DCP2: variants seen among roughly 807,000 people sequenced by gnomAD.
The protein encoded by DCP2 is m7GpppN-mRNA hydrolase.
DCP2 carries 30 observed loss-of-function variants against 56.1 expected under a neutral mutation model. The observed-to-expected ratio is 0.53, with a 90% CI of 0.40 to 0.73. The LOEUF (loss-of-function observed/expected upper bound fraction) is 0.73. Among genes scored for constraint, DCP2 ranks in the 30% least tolerant of loss-of-function variants. DCP2 has a pLI of 0.00. For synonymous variants in DCP2, 197 were observed against 163.3 expected (o/e 1.21, Z -1.57); for missense variants, 533 against 502.7 (o/e 1.06, Z -0.58).
chr5:112,996,161 G>C (rs10075793), intron 4 of DCP2, among the ~76,000 whole-genome samples: 2,902 of 152,194 alleles, frequency 0.019, 93 homozygotes, highest in African/African-American at 0.066. Context: ...GGCCTTTTTT[G>C]AATGATGAAA....
At chr5:113,013,293 T>G (rs1239121493) in intron 10 of DCP2, 28 bp from the exon 11 acceptor site, 1 of 1,593,518 alleles carries the variant, frequency 6.3e-7, no homozygotes, top group Admixed American at 1.7e-5. Flanking sequence ...GTTACTGAGC[T>G]TATTTATTTT....
rs1374786335 is a variant in DCP2, at chr5:112,983,670, G to A, written c.54-2165G>A. 3.9e-5 allele frequency among the ~76,000 whole-genome samples: 6 copies of A among 152,042 alleles called. No homozygotes were observed. In the East Asian group the frequency reaches 1.2e-3, roughly 29 times the overall value. On this transcript the variant is annotated intron_variant, in intron 1 of 10. Coordinates refer to ENST00000389063, the MANE Select transcript of DCP2 (RefSeq NM_152624.6). ...AAATTTCACAACACTGGGGATGGAA[G>A]GAAGATATTAGAAGCATCCAGACTG...
chr5:112,998,017 T>TA (rs1425607713), intron 4 of DCP2, among the ~76,000 whole-genome samples: 1 of 152,248 alleles, frequency 6.6e-6, no homozygotes, highest in Non-Finnish European at 1.5e-5. Context: ...TATATTATAA[T>TA]ACAGCAATAG....
At chr5:113,008,954 C>G (rs886498395) in intron 9 of DCP2, among the ~76,000 whole-genome samples, 2 of 152,124 alleles carry the variant, frequency 1.3e-5, no homozygotes, top group Admixed American at 6.5e-5. Context: ...AGTGATTCCC[C>G]TGTCTCAGCC....
chr5:113,013,614 C>A lies in DCP2; in HGVS notation c.*130C>A. The A allele has an allele frequency of 8.8e-7, 1 of 1,133,462 alleles. No homozygotes were observed. Among genetic ancestry groups the A allele is most frequent in the Non-Finnish European group, 1.3e-6 (1 of 798,080 alleles). 70.2% of individuals were successfully genotyped at this position (1,133,462 alleles called of 1,614,324 possible). A position where few individuals can be genotyped will look rare whatever the true frequency, so the allele number is the denominator to read the frequency against. ...GAGGCAATGTTTCTGAAGACATTTTCTGTTTATAAGAGAGTAGAAAGAAAC... is the reference window on the plus strand; with the variant it reads ...GAGGCAATGTTTCTGAAGACATTTTATGTTTATAAGAGAGTAGAAAGAAAC... On this transcript the variant is annotated 3_prime_UTR_variant, in exon 11 of 11. Transcript: ENST00000389063.
rs943720595 is a variant in DCP2, at chr5:113,014,904, G to A, written c.*1420G>A. On this transcript the variant is annotated 3_prime_UTR_variant, in exon 11 of 11. Coordinates refer to ENST00000389063, the MANE Select transcript of DCP2 (RefSeq NM_152624.6). ...TTAATTGGGTTCCACTGAACCTCATGGGACTTTTAAAAGAAGGGCTATTTA... is the reference window on the plus strand; with the variant it reads ...TTAATTGGGTTCCACTGAACCTCATAGGACTTTTAAAAGAAGGGCTATTTA... The A allele has an allele frequency of 6.6e-6, 1 of 152,606 alleles. No individual in the cohort carries two copies. The highest frequency in any genetic ancestry group is 2.4e-5 in the African/African-American group (1 of 41,436). The allele number at this position is 152,606 out of a possible 1,614,324, so 9.5% of individuals were successfully genotyped here.
rs1417802437 is a variant in DCP2 at position 112,981,620 on chromosome 5, T to C, written c.54-4215T>C. 2.6e-5 allele frequency among the ~76,000 whole-genome samples: 4 copies of C among 152,236 alleles called. No individual in the cohort carries two copies. In the East Asian group the frequency reaches 7.7e-4, roughly 29 times the overall value. ...TAGTTTCTTTTCCATCGGGGCATAG[T>C]CAGGAGCCCTTTGTAAGTGTCTTGC... On this transcript the variant is annotated intron_variant, in intron 1 of 10. Transcript: ENST00000389063.
intron 10 of DCP2, among the ~76,000 whole-genome samples, chr5:113,011,979 G>C (rs557177349): frequency 6.6e-6 from 1 of 152,316 alleles, no homozygotes; most frequent in African/African-American, 2.4e-5. Flanking sequence ...CTCCTCATTA[G>C]AGTTAGTATA....
intron 4 of DCP2, 145 bp from the exon 5 acceptor site, chr5:113,000,939 C>A: frequency 1.2e-6 from 1 of 821,788 alleles, no homozygotes; most frequent in Non-Finnish European, 1.9e-6. Flanking sequence ...ATCTCATATG[C>A]ATTTCTGTAC....
chr5:112,998,721 C>T (rs1192699191), intron 4 of DCP2, among the ~76,000 whole-genome samples: 1 of 152,192 alleles, frequency 6.6e-6, no homozygotes, highest in African/African-American at 2.4e-5. Flanking sequence ...ACCATAGTTG[C>T]TATATTACTT....
At chr5:112,986,113 G>A (rs1748272024) in intron 2 of DCP2, 127 bp downstream of exon 2, 1 of 910,970 alleles carries the variant, frequency 1.1e-6, no homozygotes, top group Non-Finnish European at 1.6e-6. Context: ...GCTAAAATTT[G>A]TCAAACATAA....
chr5:112,984,717 T>TATATATATATATATATATATATAG, intron 1 of DCP2: 1 of 132,636 alleles, frequency 7.5e-6, no homozygotes, highest in Non-Finnish European at 1.6e-5. Context: ...TATATATATA[T>TATATATATATATATATATATATAG]ATATATATTT....
chr5:112,977,129 C>T (rs1747747092), intron 1 of DCP2, 143 bp downstream of exon 1: 2 of 580,938 alleles, frequency 3.4e-6, no homozygotes, highest in Non-Finnish European at 5.8e-6. Flanking sequence ...ATCGTCGACC[C>T]TGCTCTCCGA....
chr5:113,001,277 C>T (rs755455187), intron 5 of DCP2, 41 bp downstream of exon 5: 1 of 1,600,530 alleles, frequency 6.2e-7, no homozygotes, highest in Non-Finnish European at 8.5e-7. Context: ...GACAGTATCC[C>T]AAATGAATAA....
chr5:113,008,159 G>A, intron 9 of DCP2, 117 bp downstream of exon 9: 2 of 846,000 alleles, frequency 2.4e-6, no homozygotes, highest in Non-Finnish European at 1.8e-6. Context: ...TGATATACTA[G>A]TAGGATTTTT....
chr5:112,985,569 G>A (rs1748239249), intron 1 of DCP2, among the ~76,000 whole-genome samples: 1 of 152,188 alleles, frequency 6.6e-6, no homozygotes, highest in East Asian at 1.9e-4. Flanking sequence ...TGTTGTTAGT[G>A]AGCTCTTAAG....
chr5:112,990,205 C>T (rs991883129), intron 2 of DCP2, among the ~76,000 whole-genome samples: 23 of 152,262 alleles, frequency 1.5e-4, no homozygotes, highest in Non-Finnish European at 3.4e-4. Context: ...AGACTGCATA[C>T]TTTGATAAGA....
chr5:113,007,376 A>ATTTC lies in DCP2; in HGVS notation c.943-538_943-535dup, dbSNP rs35517896. ...GGGATAAGGCAAGAGGTGTGGAAAG[A>ATTTC]TTTCTTTCTTTCTTTCTTTCTTTCT... On this transcript the variant is annotated intron_variant, in intron 8 of 10. Transcript: ENST00000389063. Among the ~76,000 whole-genome samples the ATTTC allele has an allele frequency of 4.3e-4, 60 of 138,566 alleles. 1 individual carries two copies. The highest frequency in any genetic ancestry group is 1.1e-3 in the South Asian group (5 of 4,406). 90.9% of individuals were successfully genotyped at this position (138,566 alleles called of 152,430 possible). A position where few individuals can be genotyped will look rare whatever the true frequency, so the allele number is the denominator to read the frequency against.
chr5:113,011,345 C>G (rs542631864), intron 10 of DCP2, among the ~76,000 whole-genome samples: 136 of 152,316 alleles, frequency 8.9e-4, no homozygotes, highest in Non-Finnish European at 1.8e-3. Flanking sequence ...TGCAATTTCT[C>G]CTTCCTCGGT....
Sources: gnomAD v4.1 joint callset for allele counts (sites outside exome capture counted in the v4.1 genomes callset) on GRCh38, gnomAD v4.1.1 for gene constraint, MANE v1.5 for transcripts, NCBI Gene and HGNC (gene_info 2026-07-23, HGNC 2026-07-21) for gene names.